Variants in ZMYND8 observed in about 807,000 individuals in gnomAD.
ZMYND8 encodes MYND-type zinc finger-containing chromatin reader ZMYND8.
A neutral mutation model predicts 140.8 loss-of-function variants in ZMYND8; 37 were observed. That is an observed-to-expected ratio of 0.26 (90% CI 0.20 to 0.35). ZMYND8 has a LOEUF of 0.35. ZMYND8 is among the 10% of genes least tolerant of loss of function. The probability of loss-of-function intolerance (pLI) is 1.00; values close to 1 mark genes in which losing one functional copy is unlikely to be tolerated. For missense variants in ZMYND8, 1,068 were observed against 1,570.0 expected, an observed-to-expected ratio of 0.68 and a Z score of 5.40; for synonymous variants, 592 against 597.1, an observed-to-expected ratio of 0.99 and a Z score of 0.12.
At chr20:47,250,619 G>A (rs2074094216) in intron 12 of ZMYND8, among the ~76,000 whole-genome samples, 2 of 152,172 alleles carry the variant, frequency 1.3e-5, no homozygotes, top group Non-Finnish European at 2.9e-5. Context: ...CCAGAATCTA[G>A]TCTGAGAGCT....
rs1158189723 is a variant in ZMYND8 at position 47,234,303 on chromosome 20, C to A, written c.2856+2023G>T. On this transcript the variant is annotated intron_variant, in intron 16 of 22. Coordinates refer to ENST00000471951, the MANE Select transcript of ZMYND8 (RefSeq NM_001281775.3). ...AGCTCATGCAATCCACCCACCTCAG[C>A]CTCCCAAAGTGCTGGGATTACAGGT... Among the ~76,000 whole-genome samples, 4 of 152,258 alleles carry A rather than the reference C, an allele frequency of 2.6e-5. No individual in the cohort carries two copies. In the East Asian group the frequency reaches 7.7e-4, roughly 29 times the overall value.
chr20:47,265,172 C>T (rs987929727), intron 11 of ZMYND8, among the ~76,000 whole-genome samples: 1 of 151,814 alleles, frequency 6.6e-6, no homozygotes, highest in Non-Finnish European at 1.5e-5. Context: ...TTTGCAGCTG[C>T]TCAAATATCT....
chr20:47,351,347 A>G (rs2082765119), intron 1 of ZMYND8, among the ~76,000 whole-genome samples: 1 of 152,124 alleles, frequency 6.6e-6, no homozygotes, highest in African/African-American at 2.4e-5. Flanking sequence ...CAATGCCCAC[A>G]TATTTCTTTT....
At chr20:47,332,106 T>C (rs1340379238) in intron 2 of ZMYND8, among the ~76,000 whole-genome samples, 1 of 146,134 alleles carries the variant, frequency 6.8e-6, no homozygotes, top group Admixed American at 6.9e-5. Context: ...AGGTCAGGAG[T>C]TCAAGACCAG....
intron 11 of ZMYND8, among the ~76,000 whole-genome samples, chr20:47,263,773 T>C (rs941449932): frequency 6.6e-6 from 1 of 152,178 alleles, no homozygotes; most frequent in Non-Finnish European, 1.5e-5. Context: ...ACAATAACAG[T>C]AGCTACATCT....
intron 2 of ZMYND8, chr20:47,320,097 G>A (rs1475114630): frequency 6.6e-6 from 1 of 152,194 alleles, no homozygotes; most frequent in East Asian, 1.9e-4. Context: ...AAACTGCAAT[G>A]GGGAATCGCG....
chr20:47,336,958 T>C (rs1355675638), intron 2 of ZMYND8, among the ~76,000 whole-genome samples: 1 of 152,112 alleles, frequency 6.6e-6, no homozygotes, highest in African/African-American at 2.4e-5. Context: ...CTTCAGGCAT[T>C]TGACTTGCAA....
At position 47,276,914 on chromosome 20, in the gene ZMYND8, A is replaced by T. The variant is rs2076289461; in HGVS notation, c.999-119T>A. 11 of 962,040 alleles carry T rather than the reference A, an allele frequency of 1.1e-5. No individual in the cohort carries two copies. In the African/African-American group the frequency reaches 1.6e-4, roughly 14 times the overall value. The allele number at this position is 962,040 out of a possible 1,614,324, so 59.6% of individuals were successfully genotyped here. Reference sequence around the variant, plus strand: ...TTGCCAAGATTCTTATTCTATTAAAAAAAAAAAAAAAAAAACTTGGTTTGA... The same window carrying T: ...TTGCCAAGATTCTTATTCTATTAAATAAAAAAAAAAAAAAACTTGGTTTGA... On this transcript the variant is annotated intron_variant, in intron 10 of 22. Transcript: ENST00000471951.
chr20:47,233,422 T>C (rs2038811482), intron 16 of ZMYND8, among the ~76,000 whole-genome samples: 1 of 152,100 alleles, frequency 6.6e-6, no homozygotes, highest in Non-Finnish European at 1.5e-5. Flanking sequence ...TTGCTCAGGC[T>C]GGTCTTAAAC....
At chr20:47,333,598 T>C (rs1309559976) in intron 2 of ZMYND8, among the ~76,000 whole-genome samples, 2 of 151,710 alleles carry the variant, frequency 1.3e-5, no homozygotes, top group African/African-American at 4.8e-5. Flanking sequence ...TGGTGGCACA[T>C]GCCTGTAGTC....
At chr20:47,313,159 G>A (rs535291585) in intron 2 of ZMYND8, among the ~76,000 whole-genome samples, 1 of 150,974 alleles carries the variant, frequency 6.6e-6, no homozygotes, top group East Asian at 2.0e-4. Flanking sequence ...GAGCCCAGGA[G>A]TTTGAGGGTA....
At chr20:47,329,571 A>G (rs922679397) in intron 2 of ZMYND8, among the ~76,000 whole-genome samples, 3 of 151,798 alleles carry the variant, frequency 2.0e-5, no homozygotes, top group Non-Finnish European at 4.4e-5. Flanking sequence ...TGCCTGGCTA[A>G]TTCTGTATTT....
chr20:47,310,277 G>A (rs1444161990), intron 2 of ZMYND8, 73 bp from the exon 3 acceptor site: 1 of 1,517,450 alleles, frequency 6.6e-7, no homozygotes, highest in East Asian at 2.3e-5. Flanking sequence ...GAGGTGTGGA[G>A]GAACCAAGTG....
intron 2 of ZMYND8, among the ~76,000 whole-genome samples, chr20:47,313,368 A>G (rs1393073508): frequency 6.6e-6 from 1 of 152,236 alleles, no homozygotes; most frequent in Non-Finnish European, 1.5e-5. Flanking sequence ...CACGCCTGTA[A>G]TCCCAGCACT....
chr20:47,339,634 G>A (rs969557451), intron 2 of ZMYND8, among the ~76,000 whole-genome samples: 2 of 151,490 alleles, frequency 1.3e-5, no homozygotes, highest in Non-Finnish European at 1.5e-5. Context: ...CCGCGACCAC[G>A]CCTGGCTAAT....
At chr20:47,313,466 CA>C (rs1269900882) in intron 2 of ZMYND8, among the ~76,000 whole-genome samples, 44 of 151,542 alleles carry the variant, frequency 2.9e-4, no homozygotes, top group Non-Finnish European at 6.1e-4. Flanking sequence ...ACCAAAAATA[CA>C]AAAAATTAGC....
intron 12 of ZMYND8, among the ~76,000 whole-genome samples, chr20:47,252,291 CAAAAAAAAAA>C (rs144291181): frequency 1.5e-5 from 1 of 68,944 alleles, no homozygotes. Flanking sequence ...GACTCTGTCT[CAAAAAAAAAA>C]AAAAAAAAAA....
At chr20:47,228,076 G>A (rs1417609925) in intron 17 of ZMYND8, among the ~76,000 whole-genome samples, 1 of 147,168 alleles carries the variant, frequency 6.8e-6, no homozygotes, top group Admixed American at 6.8e-5. Context: ...CTGGGTGACA[G>A]AGCGAGACTC....
At chr20:47,247,321 C>T (rs1358686733) in intron 13 of ZMYND8, among the ~76,000 whole-genome samples, 1 of 152,214 alleles carries the variant, frequency 6.6e-6, no homozygotes, top group African/African-American at 2.4e-5. Flanking sequence ...GGGGGACACA[C>T]TTGTCTCCAG....
Sources: allele counts gnomAD v4.1 joint callset (sites outside exome capture counted in the v4.1 genomes callset), GRCh38; gene constraint gnomAD v4.1.1; transcripts MANE v1.5; gene names NCBI Gene and HGNC (gene_info 2026-07-23, HGNC 2026-07-21).